CD226: variants seen among roughly 807,000 people sequenced by gnomAD.
The protein encoded by CD226 is CD226 molecule.
Under a neutral mutation model 34.9 loss-of-function variants are expected in CD226, and 24 were observed. That is an observed-to-expected ratio of 0.69 (90% CI 0.50 to 0.97). The LOEUF (loss-of-function observed/expected upper bound fraction) is 0.97, where lower values mean the gene tolerates loss of function less well. Among genes scored for constraint, CD226 ranks in the 50% least tolerant of loss-of-function variants. The pLI is 0.00. For missense variants in CD226, 397 were observed against 412.7 expected, an observed-to-expected ratio of 0.96 and a Z score of 0.33; for synonymous variants, 148 against 147.4, an observed-to-expected ratio of 1.00 and a Z score of -0.03.
chr18:69,873,284 C>T, intron 3 of CD226, 38 bp from the exon 4 acceptor site: 1 of 1,031,388 alleles, frequency 9.7e-7, no homozygotes, highest in Middle Eastern at 2.1e-4. Flanking sequence ...ATTAGGAATT[C>T]AGCCAAAGGC....
chr18:69,914,360 AACT>A (rs1411558142), intron 2 of CD226, among the ~76,000 whole-genome samples: 3 of 152,244 alleles, frequency 2.0e-5, no homozygotes, highest in African/African-American at 7.2e-5. Flanking sequence ...CCAGAAAAGA[AACT>A]CACAGTGAAC....
Position 69,854,444 on chromosome 18 carries a change from G to C in CD226, c.*9870C>G, listed in dbSNP as rs1445111886. On this transcript the variant is annotated 3_prime_UTR_variant, in exon 6 of 6. Coordinates refer to ENST00000582621, the MANE Select transcript of CD226 (RefSeq NM_001303618.2). ...ACACATTCAAGGGCTTTTCCAGTAG[G>C]AAACTCCAAGGTTCTCATTATGAGG... 1 of 152,238 alleles carries C rather than the reference G, an allele frequency of 6.6e-6. No homozygotes were observed. Among genetic ancestry groups the C allele is most frequent in the Non-Finnish European group, 1.5e-5 (1 of 68,066 alleles). The allele number at this position is 152,238 out of a possible 1,614,324, so 9.4% of individuals were successfully genotyped here.
upstream of CD226, among the ~76,000 whole-genome samples, chr18:69,950,259 GTC>G (rs541981361): frequency 1.1e-3 from 169 of 150,982 alleles, no homozygotes; most frequent in Middle Eastern, 3.4e-3. Context: ...CACACACTCT[GTC>G]TCTCTCTCTC....
In CD226 at chr18:69,853,309, T is replaced by C. The variant is rs938656124; in HGVS notation, c.*11005A>G. The C allele has an allele frequency of 6.6e-6, 1 of 152,228 alleles. No individual in the cohort carries two copies. The highest frequency in any genetic ancestry group is 1.5e-5 in the Non-Finnish European group (1 of 68,050). 9.4% of individuals were successfully genotyped at this position (152,228 alleles called of 1,614,324 possible). A position where few individuals can be genotyped will look rare whatever the true frequency, so the allele number is the denominator to read the frequency against. ...GGTCTTTATTTCACATTAAAATGACTCTCACACATTCTTAAAAAACATTCC... is the reference window on the plus strand; with the variant it reads ...GGTCTTTATTTCACATTAAAATGACCCTCACACATTCTTAAAAAACATTCC... On this transcript the variant is annotated 3_prime_UTR_variant, in exon 6 of 6. Transcript: ENST00000582621.
chr18:69,946,661 A>G (rs2055795975), intron 2 of CD226, 73 bp downstream of exon 2: 1 of 980,728 alleles, frequency 1.0e-6, no homozygotes, highest in Admixed American at 2.3e-5. Flanking sequence ...TATAGCTTCT[A>G]CTTGGGCTTT....
chr18:69,891,007 A>G (rs1225369402), intron 3 of CD226, among the ~76,000 whole-genome samples: 10 of 139,368 alleles, frequency 7.2e-5, no homozygotes, highest in Non-Finnish European at 1.2e-4. Flanking sequence ...AAAACCAGAC[A>G]AAGACACCAC....
At position 69,947,487 on chromosome 18, in the gene CD226, A is replaced by T. The variant is rs2055808765; in HGVS notation, c.-81T>A. The T allele has an allele frequency of 2.4e-6, 2 of 830,726 alleles. No homozygotes were observed. Among genetic ancestry groups the T allele is most frequent in the Non-Finnish European group, 3.9e-6 (2 of 516,592 alleles). 51.5% of individuals were successfully genotyped at this position (830,726 alleles called of 1,614,324 possible). On this transcript the variant is annotated 5_prime_UTR_variant, in exon 1 of 6. The change creates a new upstream start codon in the 5' untranslated region. Transcript: ENST00000582621. ...ATGTGACATGCAGATCCCCAGCACA[A>T]TGCAGTTTCCTTCCTCTCAGATGTT...
chr18:69,859,092 A>G lies in CD226; in HGVS notation c.*5222T>C, dbSNP rs1982700112. On this transcript the variant is annotated 3_prime_UTR_variant, in exon 6 of 6. Transcript: ENST00000582621. ...TGTTATGGGCACTCGTTAAACATTT[A>G]CAACACGGAAACACATGTCCTTTTG... 6.6e-6 allele frequency: 1 copy of G among 152,116 alleles called. No homozygotes were observed. The highest frequency in any genetic ancestry group is 1.5e-5 in the Non-Finnish European group (1 of 68,024). 9.4% of individuals were successfully genotyped at this position (152,116 alleles called of 1,614,324 possible).
upstream of CD226, among the ~76,000 whole-genome samples, chr18:69,949,180 T>A (rs562114206): frequency 3.9e-5 from 6 of 152,252 alleles, no homozygotes; most frequent in South Asian, 1.0e-3. Context: ...TGCTAACTTC[T>A]GTAACTCCAG....
chr18:69,900,718 G>A (rs1365265559), intron 2 of CD226, among the ~76,000 whole-genome samples: 6 of 133,022 alleles, frequency 4.5e-5, no homozygotes, highest in Non-Finnish European at 9.3e-5. Context: ...CGGCCTGGGC[G>A]ACAGAGCGAG....
At position 69,862,800 on chromosome 18, in the gene CD226, CTTTA is replaced by C. The variant is rs1235436572; in HGVS notation, c.*1510_*1513del. The stretch of plus-strand genomic sequence containing the variant: ...TAGGCAACAGGAGAATTTGGATTTG[CTTTA>C]TTTAAGATTATCATGAAGTCCACAA... On this transcript the variant is annotated 3_prime_UTR_variant, in exon 6 of 6. Coordinates refer to ENST00000582621, the MANE Select transcript of CD226 (RefSeq NM_001303618.2). The C allele has an allele frequency of 2.0e-5, 3 of 152,082 alleles. No homozygotes were observed. Among genetic ancestry groups the C allele is most frequent in the Admixed American group, 1.3e-4 (2 of 15,270 alleles). 9.4% of individuals were successfully genotyped at this position (152,082 alleles called of 1,614,324 possible).
intron 3 of CD226, among the ~76,000 whole-genome samples, chr18:69,878,828 C>G (rs944374462): frequency 6.6e-6 from 1 of 152,144 alleles, no homozygotes; most frequent in Admixed American, 6.5e-5. Flanking sequence ...GGTCAAGAAA[C>G]AAAAGCAAAA....
At chr18:69,923,645 T>G (rs905598826) in intron 2 of CD226, among the ~76,000 whole-genome samples, 1 of 151,972 alleles carries the variant, frequency 6.6e-6, no homozygotes, top group African/African-American at 2.4e-5. Flanking sequence ...TGATTTAGGA[T>G]GGAAAAAGGT....
chr18:69,948,467 C>T (rs1315259655), upstream of CD226, among the ~76,000 whole-genome samples: 2 of 152,072 alleles, frequency 1.3e-5, no homozygotes, highest in African/African-American at 2.4e-5. Context: ...TATCTAATGC[C>T]GACCCTGAAC....
intron 3 of CD226, among the ~76,000 whole-genome samples, chr18:69,890,449 T>G (rs1165752740): frequency 6.6e-6 from 1 of 151,820 alleles, no homozygotes; most frequent in African/African-American, 2.4e-5. Flanking sequence ...CATAACCCGG[T>G]CTCAAAAAAT....
intron 4 of CD226, among the ~76,000 whole-genome samples, chr18:69,868,146 A>G (rs1432163044): frequency 6.6e-6 from 1 of 152,212 alleles, no homozygotes; most frequent in Admixed American, 6.5e-5. Flanking sequence ...AAGAGAAAAT[A>G]CCAGAGAAGA....
At chr18:69,919,016 A>G (rs2055418927) in intron 2 of CD226, among the ~76,000 whole-genome samples, 1 of 152,224 alleles carries the variant, frequency 6.6e-6, no homozygotes, top group African/African-American at 2.4e-5. Context: ...CTAGAAATGG[A>G]AAGATGAAGA....
chr18:69,881,693 A>G (rs1385901702), intron 3 of CD226, among the ~76,000 whole-genome samples: 1 of 152,192 alleles, frequency 6.6e-6, no homozygotes, highest in East Asian at 1.9e-4. Flanking sequence ...GAGATGTCAC[A>G]TTGAAGTAGT....
intron 3 of CD226, among the ~76,000 whole-genome samples, chr18:69,880,202 G>A (rs1030871035): frequency 1.0e-4 from 12 of 115,412 alleles, no homozygotes; most frequent in African/African-American, 4.2e-4. Flanking sequence ...AGCGGGGGAG[G>A]AAGGCAGGCA....
Sources: gnomAD v4.1 joint callset for allele counts (sites outside exome capture counted in the v4.1 genomes callset) on GRCh38, gnomAD v4.1.1 for gene constraint, MANE v1.5 for transcripts, NCBI Gene and HGNC (gene_info 2026-07-23, HGNC 2026-07-21) for gene names.